Variants in FHIT observed in about 807,000 individuals in gnomAD.
FHIT encodes bis(5'-adenosyl)-triphosphatase.
A neutral mutation model predicts 17.9 loss-of-function variants in FHIT; 19 were observed. The observed-to-expected ratio is 1.06, with a 90% CI of 0.74 to 1.56. FHIT has a LOEUF of 1.56. Ranked by LOEUF, FHIT falls within the 40% of genes most tolerant of loss-of-function variation. The pLI, the probability that FHIT is intolerant of heterozygous loss-of-function variation, is 0.00. For synonymous variants in FHIT, 81 were observed against 69.7 expected (o/e 1.16, Z -0.81); for missense variants, 248 against 189.2 (o/e 1.31, Z -1.82).
chr3:60,077,383 C>A (rs1450075171), intron 5 of FHIT: 1 of 151,920 alleles, frequency 6.6e-6, no homozygotes, highest in East Asian at 1.9e-4. Flanking sequence ...ATGTCCAGAT[C>A]TTGGTTTCTA....
chr3:60,341,445 G>A lies in FHIT; in HGVS notation c.103+195415C>T, dbSNP rs182404602. Among the ~76,000 whole-genome samples the A allele has an allele frequency of 2.4e-3, 365 of 152,272 alleles. 1 individual carries two copies. Among genetic ancestry groups the A allele is most frequent in the African/African-American group, 7.2e-3 (298 of 41,556 alleles). Reference sequence around the variant, plus strand: ...GAAGCCTGGAGAACCAGGCCCACGTGGAGACAAAGGCAGGATTGAATGAGA... The same window carrying A: ...GAAGCCTGGAGAACCAGGCCCACGTAGAGACAAAGGCAGGATTGAATGAGA... On this transcript the variant is annotated intron_variant, in intron 5 of 9. Coordinates refer to ENST00000492590, the MANE Select transcript of FHIT (RefSeq NM_002012.4).
chr3:60,282,863 A>T (rs1707527041), intron 5 of FHIT, among the ~76,000 whole-genome samples: 1 of 152,148 alleles, frequency 6.6e-6, no homozygotes, highest in Non-Finnish European at 1.5e-5. Context: ...TATTTCAAAC[A>T]AGTAGGAAGA....
intron 1 of FHIT, among the ~76,000 whole-genome samples, chr3:61,209,785 A>T (rs2039394231): frequency 1.3e-5 from 2 of 151,992 alleles, no homozygotes; most frequent in African/African-American, 2.4e-5. Context: ...GAGTAGTTTG[A>T]TCATCTGAAG....
intron 5 of FHIT, among the ~76,000 whole-genome samples, chr3:60,204,955 G>A (rs1351842316): frequency 6.6e-6 from 1 of 152,024 alleles, no homozygotes; most frequent in Non-Finnish European, 1.5e-5. Flanking sequence ...ATCTGGCCAG[G>A]CATGGTGGCA....
At chr3:60,870,153 A>G (rs1163204074) in intron 3 of FHIT, among the ~76,000 whole-genome samples, 1 of 152,170 alleles carries the variant, frequency 6.6e-6, no homozygotes, top group Non-Finnish European at 1.5e-5. Flanking sequence ...TATTTTCAGC[A>G]TGTATGAGCA....
chr3:60,959,585 A>G (rs1709315422), intron 3 of FHIT, among the ~76,000 whole-genome samples: 1 of 151,680 alleles, frequency 6.6e-6, no homozygotes, highest in African/African-American at 2.4e-5. Flanking sequence ...GGGTTCGCCT[A>G]GTTTGGAGAG....
intron 5 of FHIT, among the ~76,000 whole-genome samples, chr3:60,291,990 C>T (rs146445284): frequency 7.4e-4 from 112 of 152,148 alleles, no homozygotes; most frequent in African/African-American, 2.4e-3. Flanking sequence ...TGATAGATTC[C>T]GGTGATTTTT....
intron 8 of FHIT, among the ~76,000 whole-genome samples, chr3:59,773,156 C>T (rs550388341): frequency 6.6e-6 from 1 of 152,294 alleles, no homozygotes; most frequent in Admixed American, 6.5e-5. Context: ...AGGCCCCTGT[C>T]TTCATTCTCA....
At chr3:60,169,991 A>C (rs763307024) in intron 5 of FHIT, among the ~76,000 whole-genome samples, 1 of 152,212 alleles carries the variant, frequency 6.6e-6, no homozygotes. Context: ...GCTGTTTTCG[A>C]TGATCCAGCA....
Position 60,851,628 on chromosome 3 carries a change from T to A in FHIT, c.-110-29617A>T, listed in dbSNP as rs537657599. ...ACACAAGGTGCAACTCAATTATATT[T>A]AAGATCACTCATTTATGTCATAAAG... On this transcript the variant is annotated intron_variant, in intron 3 of 9. Coordinates refer to ENST00000492590, the MANE Select transcript of FHIT (RefSeq NM_002012.4). Among the ~76,000 whole-genome samples the A allele has an allele frequency of 7.9e-5, 12 of 152,258 alleles. 1 individual carries two copies. In the East Asian group the frequency reaches 2.3e-3, roughly 29 times the overall value.
intron 8 of FHIT, among the ~76,000 whole-genome samples, chr3:59,812,478 C>A (rs1386283557): frequency 6.6e-6 from 1 of 152,144 alleles, no homozygotes; most frequent in Non-Finnish European, 1.5e-5. Context: ...CTAAGGCCAG[C>A]ATGCTGCATT....
intron 3 of FHIT, among the ~76,000 whole-genome samples, chr3:60,844,030 A>G (rs1702836134): frequency 1.3e-5 from 2 of 152,176 alleles, no homozygotes; most frequent in African/African-American, 4.8e-5. Flanking sequence ...CATGCCACTG[A>G]TTTCAAAATA....
intron 7 of FHIT, among the ~76,000 whole-genome samples, chr3:59,947,127 G>C (rs1706848503): frequency 1.3e-5 from 2 of 152,194 alleles, no homozygotes. Context: ...ATTTGGCTGT[G>C]AATCTGTCTG....
At chr3:59,886,486 G>A (rs1327055226) in intron 8 of FHIT, among the ~76,000 whole-genome samples, 2 of 152,204 alleles carry the variant, frequency 1.3e-5, no homozygotes, top group Non-Finnish European at 2.9e-5. Context: ...GCCTGGTATT[G>A]GCCTTGGCTT....
At chr3:60,764,710 C>G (rs1255977779) in intron 4 of FHIT, among the ~76,000 whole-genome samples, 1 of 151,490 alleles carries the variant, frequency 6.6e-6, no homozygotes, top group Non-Finnish European at 1.5e-5. Context: ...TAAGAAAAAA[C>G]TAGGATGAGA....
At chr3:60,143,304 C>G (rs1403838174) in intron 5 of FHIT, among the ~76,000 whole-genome samples, 1 of 152,172 alleles carries the variant, frequency 6.6e-6, no homozygotes, top group Non-Finnish European at 1.5e-5. Flanking sequence ...AAGCTTGGTC[C>G]TAGGACTTCC....
chr3:60,026,641 G>A (rs1361512461), intron 5 of FHIT, among the ~76,000 whole-genome samples: 1 of 151,830 alleles, frequency 6.6e-6, no homozygotes, highest in Non-Finnish European at 1.5e-5. Flanking sequence ...TTCAAAATAT[G>A]GTTGCTAACA....
intron 3 of FHIT, among the ~76,000 whole-genome samples, chr3:60,857,143 G>A (rs1294243770): frequency 1.3e-5 from 2 of 152,134 alleles, no homozygotes; most frequent in Non-Finnish European, 2.9e-5. Context: ...AAATGGCCAG[G>A]TGTAATTTAC....
At chr3:60,174,542 G>C (rs564065196) in intron 5 of FHIT, among the ~76,000 whole-genome samples, 1 of 151,976 alleles carries the variant, frequency 6.6e-6, no homozygotes, top group Admixed American at 6.6e-5. Context: ...TTACAAAACA[G>C]AAGTTCAGAG....
Sources: allele counts gnomAD v4.1 joint callset (sites outside exome capture counted in the v4.1 genomes callset), GRCh38; gene constraint gnomAD v4.1.1; transcripts MANE v1.5; gene names NCBI Gene and HGNC (gene_info 2026-07-23, HGNC 2026-07-21).